The following PCDH11X variants were observed in gnomAD, a reference collection of about 807,000 sequenced individuals.
PCDH11X encodes protocadherin-11 X-linked.
Under a neutral mutation model 53.3 loss-of-function variants are expected in PCDH11X, and 18 were observed. The ratio of observed to expected loss-of-function variants is 0.34; its 90% CI spans 0.23 to 0.50. The LOEUF (loss-of-function observed/expected upper bound fraction) is 0.50, where lower values mean the gene tolerates loss of function less well. Among genes scored for constraint, PCDH11X ranks in the 20% least tolerant of loss-of-function variants. The pLI, the probability that PCDH11X is intolerant of heterozygous loss-of-function variation, is 0.98. For synonymous variants in PCDH11X, 279 were observed against 393.3 expected, an observed-to-expected ratio of 0.71 and a Z score of 3.44; for missense variants, 570 against 1,032.4, an observed-to-expected ratio of 0.55 and a Z score of 6.14.
chrX:91,992,972 G>T (rs2147945957), intron 6 of PCDH11X, among the ~76,000 whole-genome samples: 1 of 110,994 alleles, frequency 9.0e-6, no homozygotes, highest in East Asian at 2.9e-4. Context: ...CTATGTTTTT[G>T]AATTAAATAA....
intron 6 of PCDH11X, among the ~76,000 whole-genome samples, chrX:92,018,430 A>T (rs1382786018): frequency 1.8e-5 from 2 of 111,969 alleles, no homozygotes; most frequent in Non-Finnish European, 3.8e-5. Context: ...ATTGACCAGG[A>T]TGTATAGAGT....
intron 9 of PCDH11X, among the ~76,000 whole-genome samples, chrX:92,447,160 G>A (rs2072672020): frequency 8.9e-6 from 1 of 112,117 alleles, no homozygotes; most frequent in Admixed American, 9.4e-5. Flanking sequence ...AAATTTTGCA[G>A]CCTGACAATT....
intron 6 of PCDH11X, among the ~76,000 whole-genome samples, chrX:92,094,688 T>C (rs1414561944): frequency 8.9e-6 from 1 of 111,825 alleles, no homozygotes; most frequent in Non-Finnish European, 1.9e-5. Context: ...TCCTAGACTC[T>C]AGTACTTCAG....
chrX:92,321,184 G>GTTGTT (rs1556361913), intron 8 of PCDH11X, among the ~76,000 whole-genome samples: 19 of 84,891 alleles, frequency 2.2e-4, no homozygotes, highest in Non-Finnish European at 2.8e-4. Flanking sequence ...TGAACTGTAA[G>GTTGTT]TTTTTTTTTG....
At chrX:91,926,695 G>A (rs924369311) in intron 6 of PCDH11X, among the ~76,000 whole-genome samples, 1 of 110,060 alleles carries the variant, frequency 9.1e-6, no homozygotes, top group Admixed American at 9.7e-5. Flanking sequence ...AAAATTTTTA[G>A]TTCACACATA....
intron 6 of PCDH11X, among the ~76,000 whole-genome samples, chrX:91,893,877 A>T (rs1401270297): frequency 1.3e-4 from 15 of 111,943 alleles, no homozygotes; most frequent in Admixed American, 8.6e-4. Context: ...TGGCACTTAC[A>T]TTGAAAGCAA....
At chrX:92,515,624 G>A (rs2074256667) in intron 10 of PCDH11X, 1 of 118,123 alleles carries the variant, frequency 8.5e-6, no homozygotes. Flanking sequence ...TAAGAAAAAT[G>A]TATCTGTGTG....
intron 6 of PCDH11X, among the ~76,000 whole-genome samples, chrX:92,050,098 T>A (rs1440479248): frequency 2.7e-5 from 3 of 111,415 alleles, no homozygotes; most frequent in Non-Finnish European, 5.7e-5. Context: ...AATTTCCAAA[T>A]GTAACAAAAT....
At chrX:92,384,404 C>T (rs2148569177) in intron 8 of PCDH11X, among the ~76,000 whole-genome samples, 1 of 111,870 alleles carries the variant, frequency 8.9e-6, no homozygotes, top group East Asian at 2.8e-4. Context: ...AATGTAACCA[C>T]CCAGTGGGTT....
At chrX:92,351,209 T>A (rs975207426) in intron 8 of PCDH11X, among the ~76,000 whole-genome samples, 1 of 112,064 alleles carries the variant, frequency 8.9e-6, no homozygotes, top group Non-Finnish European at 1.9e-5. Context: ...CAAGACTCAC[T>A]TCTTATAAAC....
At chrX:91,810,702 T>A (rs746188279) in intron 3 of PCDH11X, 124 bp downstream of exon 3, 1 of 112,227 alleles carries the variant, frequency 8.9e-6, no homozygotes, top group East Asian at 2.8e-4. Context: ...GAAATAGATA[T>A]GTAGGTAATC....
At chrX:91,990,505 T>C (rs1339027606) in intron 6 of PCDH11X, among the ~76,000 whole-genome samples, 1 of 111,876 alleles carries the variant, frequency 8.9e-6, no homozygotes, top group Non-Finnish European at 1.9e-5. Context: ...ATTTCCCTGC[T>C]TCATGGTATG....
intron 6 of PCDH11X, among the ~76,000 whole-genome samples, chrX:91,996,096 C>A (rs1316777248): frequency 1.9e-5 from 2 of 105,074 alleles, no homozygotes; most frequent in Non-Finnish European, 3.9e-5. Flanking sequence ...CCGCCTTAGC[C>A]TCCCAAAGTG....
At chrX:92,041,470 T>C (rs968624418) in intron 6 of PCDH11X, among the ~76,000 whole-genome samples, 1 of 110,779 alleles carries the variant, frequency 9.0e-6, no homozygotes. Context: ...TGTAGTGTTT[T>C]GAAATCACAG....
In PCDH11X at chrX:91,879,045, G is replaced by A; in HGVS notation, c.2805G>A (p.Leu935=). 1 of 1,211,212 alleles carries A rather than the reference G, an allele frequency of 8.3e-7. No homozygotes were observed. Among genetic ancestry groups the A allele is most frequent in the South Asian group, 1.8e-5 (1 of 56,935 alleles). The part of the protein sequence containing the change: ...PTTFKPDSPD[L]ARHYKSASPQ... ...CTTTCAAGCCCGACAGCCCTGATTTGGCCCGACACTACAAATCTGCCTCTC... is the reference window on the plus strand; with the variant it reads ...CTTTCAAGCCCGACAGCCCTGATTTAGCCCGACACTACAAATCTGCCTCTC... Residue 935 remains leucine, a synonymous_variant, in exon 6 of 11, where the codon TTG becomes TTA. Coordinates refer to ENST00000682573, the MANE Select transcript of PCDH11X (RefSeq NM_032968.5).
chrX:91,884,336 A>G (rs1940099430), intron 6 of PCDH11X, among the ~76,000 whole-genome samples: 1 of 111,016 alleles, frequency 9.0e-6, no homozygotes, highest in South Asian at 3.7e-4. Context: ...TGATATTTTG[A>G]AAAAAAGTAT....
intron 7 of PCDH11X, among the ~76,000 whole-genome samples, chrX:92,207,349 C>G (rs764741812): frequency 1.8e-5 from 2 of 111,425 alleles, no homozygotes; most frequent in Admixed American, 1.9e-4. Flanking sequence ...GTTTCCCCTT[C>G]CACAGTAAAT....
intron 7 of PCDH11X, among the ~76,000 whole-genome samples, chrX:92,229,291 G>A (rs1407257495): frequency 9.0e-6 from 1 of 111,114 alleles, no homozygotes; most frequent in Non-Finnish European, 1.9e-5. Flanking sequence ...GCATTTAAGG[G>A]GGTAGGAGTA....
chrX:91,781,020 T>C (rs777184133), intron 1 of PCDH11X, among the ~76,000 whole-genome samples: 6 of 112,253 alleles, frequency 5.3e-5, no homozygotes, highest in African/African-American at 1.9e-4. Context: ...AGGCTGCTCA[T>C]GTGAAGCGCT....
Sources: allele counts gnomAD v4.1 joint callset (sites outside exome capture counted in the v4.1 genomes callset), GRCh38; gene constraint gnomAD v4.1.1; transcripts MANE v1.5; gene names NCBI Gene and HGNC (gene_info 2026-07-23, HGNC 2026-07-21).